The following MAP2K2 variants were observed in gnomAD, a reference collection of about 807,000 sequenced individuals.
MAP2K2 encodes the protein dual specificity mitogen-activated protein kinase kinase 2.
A neutral mutation model predicts 43.7 loss-of-function variants in MAP2K2; 24 were observed. That is an observed-to-expected ratio of 0.55 (90% CI 0.40 to 0.77). MAP2K2 has a LOEUF of 0.77. Ranked by LOEUF, MAP2K2 falls within the 30% of genes least tolerant of loss-of-function variation. MAP2K2 has a pLI of 0.00. For synonymous variants in MAP2K2, 244 were observed against 239.7 expected (o/e 1.02, Z -0.17); for missense variants, 470 against 566.8 (o/e 0.83, Z 1.73).
chr19:4,099,724 A>G (rs1481626703), intron 6 of MAP2K2: 1 of 441,634 alleles, frequency 2.3e-6, no homozygotes, highest in African/African-American at 2.0e-5. Context: ...CTCCACAGCT[A>G]ACATCTCAGA....
intron 1 of MAP2K2, among the ~76,000 whole-genome samples, chr19:4,122,540 C>T (rs971444534): frequency 7.3e-6 from 1 of 136,746 alleles, no homozygotes; most frequent in South Asian, 2.5e-4. Context: ...ATCCTTCCCC[C>T]ACAGGCCCCC....
chr19:4,101,158 C>T lies in MAP2K2; in HGVS notation c.581-15G>A, dbSNP rs2145054639. On this transcript the variant is annotated splice_polypyrimidine_tract_variant and intron_variant, in intron 5 of 10. Transcript: ENST00000262948. The surrounding 1 kb of genome is among the most constrained non-coding windows in gnomAD (Gnocchi z 6.3). ...GGGCTTCACATCTGGAGGCGGCAGG[C>T]TGCGGGTGAGGGGCGCCCAACAGTT... is the stretch of plus-strand genomic sequence containing the variant. The T allele has an allele frequency of 6.6e-7, 1 of 1,523,076 alleles. No homozygotes were observed. The highest frequency in any genetic ancestry group is 8.9e-7 in the Non-Finnish European group (1 of 1,126,178). 94.3% of individuals were successfully genotyped at this position (1,523,076 alleles called of 1,614,324 possible).
chr19:4,118,006 C>T (rs936855712), intron 1 of MAP2K2, among the ~76,000 whole-genome samples: 4 of 152,026 alleles, frequency 2.6e-5, no homozygotes, highest in Non-Finnish European at 4.4e-5. Flanking sequence ...GGCGCGATCT[C>T]GGCTCCCTGC....
intron 6 of MAP2K2, 78 bp downstream of exon 6, chr19:4,100,941 C>A (rs2145053335): frequency 6.7e-7 from 1 of 1,498,118 alleles, no homozygotes; most frequent in Non-Finnish European, 9.0e-7. Context: ...GGAGAGCTGG[C>A]TGGCAGAGCT....
At chr19:4,095,772 T>G (rs543315346) in intron 8 of MAP2K2, among the ~76,000 whole-genome samples, 1 of 152,264 alleles carries the variant, frequency 6.6e-6, no homozygotes, top group South Asian at 2.1e-4. Context: ...GAGGGACATC[T>G]GGATCCAAAG....
At chr19:4,117,747 G>T in intron 1 of MAP2K2, 118 bp from the exon 2 acceptor site, 1 of 878,274 alleles carries the variant, frequency 1.1e-6, no homozygotes, top group Admixed American at 1.8e-5. Context: ...CTGCACTTGA[G>T]GGGTTCATGG....
rs1461926163 is a variant in MAP2K2, at chr19:4,120,471, G to A, written c.93-2842C>T. Reference sequence around the variant, plus strand: ...TGGGATTACAGGTGTGCATCACCGCGCTCAGCTAATTTTTTTGGCATTTTT... The same window carrying A: ...TGGGATTACAGGTGTGCATCACCGCACTCAGCTAATTTTTTTGGCATTTTT... On this transcript the variant is annotated intron_variant, in intron 1 of 10. Coordinates refer to ENST00000262948, the MANE Select transcript of MAP2K2 (RefSeq NM_030662.4). 3.9e-5 allele frequency among the ~76,000 whole-genome samples: 6 copies of A among 152,182 alleles called. No homozygotes were observed. The East Asian group carries it at 5.8e-4, about 15-fold the overall frequency.
At chr19:4,100,067 A>C (rs1186203183) in intron 6 of MAP2K2, 1 of 153,206 alleles carries the variant, frequency 6.5e-6, no homozygotes, top group African/African-American at 2.4e-5. Flanking sequence ...TGACATGGTG[A>C]AACCCTGTCT....
intron 3 of MAP2K2, among the ~76,000 whole-genome samples, chr19:4,103,785 C>T (rs1250615122): frequency 6.6e-6 from 1 of 152,204 alleles, no homozygotes; most frequent in Non-Finnish European, 1.5e-5. Context: ...AAAGCATACA[C>T]GTGACTCCAT....
intron 10 of MAP2K2, among the ~76,000 whole-genome samples, chr19:4,093,877 T>C (rs2040878220): frequency 6.6e-6 from 1 of 151,996 alleles, no homozygotes; most frequent in Admixed American, 6.6e-5. Flanking sequence ...GGCTGTGGTA[T>C]GGGAAAGCAC....
At chr19:4,092,779 A>G (rs2040866096) in intron 10 of MAP2K2, among the ~76,000 whole-genome samples, 1 of 151,998 alleles carries the variant, frequency 6.6e-6, no homozygotes, top group Non-Finnish European at 1.5e-5. Context: ...AAAAAGAAAA[A>G]AAGTCACACA....
chr19:4,111,515 G>A (rs993263410), intron 2 of MAP2K2, among the ~76,000 whole-genome samples: 2 of 152,082 alleles, frequency 1.3e-5, no homozygotes, highest in South Asian at 2.1e-4. Flanking sequence ...GAGACACCCC[G>A]TGGAGACGTT....
At chr19:4,111,192 G>A (rs1325109762) in intron 2 of MAP2K2, among the ~76,000 whole-genome samples, 2 of 152,142 alleles carry the variant, frequency 1.3e-5, no homozygotes, top group African/African-American at 4.8e-5. Context: ...ATGGAATACT[G>A]TAAAATTGAC....
intron 3 of MAP2K2, chr19:4,104,922 C>T (rs1361291907): frequency 6.6e-6 from 1 of 152,398 alleles, no homozygotes. Context: ...CCACTCCACG[C>T]CAGGAGCATC....
Position 4,100,701 on chromosome 19 carries a change from G to A in MAP2K2, c.705+318C>T, listed in dbSNP as rs1050434253. The stretch of plus-strand genomic sequence containing the variant: ...AAAAAATAAAGAGCAAGGGGAATCC[G>A]AAAAGCAGGCTCCCAGGAGGCACCA... On this transcript the variant is annotated intron_variant, in intron 6 of 10. Transcript: ENST00000262948. The A allele has an allele frequency of 3.4e-5, 15 of 446,650 alleles. No individual in the cohort carries two copies. The East Asian group carries it at 4.0e-4, about 12-fold the overall frequency. The allele number at this position is 446,650 out of a possible 1,614,324, so 27.7% of individuals were successfully genotyped here. A position where few individuals can be genotyped will look rare whatever the true frequency, so the allele number is the denominator to read the frequency against.
intron 3 of MAP2K2, chr19:4,102,989 C>T (rs1164326286): frequency 3.7e-6 from 4 of 1,071,942 alleles, no homozygotes; most frequent in Non-Finnish European, 3.4e-6. Context: ...GTCCAGACCC[C>T]CAGGGGGCTC....
At chr19:4,117,704 G>A (rs1320696154) in intron 1 of MAP2K2, 75 bp from the exon 2 acceptor site, 4 of 1,355,630 alleles carry the variant, frequency 3.0e-6, no homozygotes, top group East Asian at 4.6e-5. Context: ...TGGCCGTGGT[G>A]CATCGGCCCC....
At chr19:4,123,240 A>C (rs1599312320) in intron 1 of MAP2K2, among the ~76,000 whole-genome samples, 1 of 145,718 alleles carries the variant, frequency 6.9e-6, no homozygotes, top group Non-Finnish European at 1.5e-5. Context: ...CCTTGGGGAC[A>C]CCCCTCATTC....
At chr19:4,095,229 T>C (rs2040900192) in intron 9 of MAP2K2, 159 bp downstream of exon 9, 2 of 648,978 alleles carry the variant, frequency 3.1e-6, no homozygotes, top group South Asian at 3.7e-5. Flanking sequence ...GCCCCACAGC[T>C]CTGGGAAAAG....
Sources: gnomAD v4.1 joint callset for allele counts (sites outside exome capture counted in the v4.1 genomes callset) on GRCh38, gnomAD v4.1.1 for gene constraint, Gnocchi (gnomAD v3.1) non-coding constraint, MANE v1.5 for transcripts, NCBI Gene and HGNC (gene_info 2026-07-23, HGNC 2026-07-21) for gene names.